CLDN14: variants seen among roughly 807,000 people sequenced by gnomAD.
The protein encoded by CLDN14 is claudin-14.
CLDN14 carries 2 observed loss-of-function variants against 2.1 expected under a neutral mutation model. The ratio of observed to expected loss-of-function variants is 0.96; its 90% CI spans 0.39 to 3.01. CLDN14 has a LOEUF of 3.01. Ranked by LOEUF, CLDN14 falls within the 30% of genes most tolerant of loss-of-function variation. The probability of loss-of-function intolerance (pLI) is 0.09; values close to 1 mark genes in which losing one functional copy is unlikely to be tolerated. For missense variants in CLDN14, 298 were observed against 328.0 expected, an observed-to-expected ratio of 0.91 and a Z score of 0.71; for synonymous variants, 136 against 154.4, an observed-to-expected ratio of 0.88 and a Z score of 0.88.
At chr21:36,465,969 C>T (rs1489216519) in intron 1 of CLDN14, among the ~76,000 whole-genome samples, 1 of 152,172 alleles carries the variant, frequency 6.6e-6, no homozygotes, top group Non-Finnish European at 1.5e-5. Context: ...TGTGGCTTAG[C>T]TGCACCTGAG....
chr21:36,486,807 C>T, intron 2 of CLDN14: 6 of 754,018 alleles, frequency 8.0e-6, no homozygotes, highest in Non-Finnish European at 1.4e-5. Flanking sequence ...GTCAGCGCTT[C>T]AGAGCCAGAT....
At chr21:36,515,835 G>A (rs1200724804) in intron 1 of CLDN14, among the ~76,000 whole-genome samples, 7 of 119,276 alleles carry the variant, frequency 5.9e-5, no homozygotes, top group Non-Finnish European at 9.8e-5. Flanking sequence ...CACCCAGGCT[G>A]GAGTGCATTG....
chr21:36,523,945 A>G (rs2087300826), intron 1 of CLDN14, among the ~76,000 whole-genome samples: 1 of 151,854 alleles, frequency 6.6e-6, no homozygotes, highest in South Asian at 2.1e-4. Context: ...GACCTGAGGG[A>G]CACAAAGCAG....
At chr21:36,527,600 C>T (rs1188700226) in intron 1 of CLDN14, among the ~76,000 whole-genome samples, 1 of 152,134 alleles carries the variant, frequency 6.6e-6, no homozygotes, top group Admixed American at 6.5e-5. Flanking sequence ...TAATGTGATA[C>T]GAATCCCTCA....
intron 1 of CLDN14, among the ~76,000 whole-genome samples, chr21:36,462,939 AAAC>A (rs1177889775): frequency 2.3e-5 from 3 of 132,902 alleles, no homozygotes; most frequent in African/African-American, 1.0e-4. Context: ...ACAAGCAAAC[AAAC>A]AAAAAAAAAC....
chr21:36,545,325 C>CT (rs1280472440), intron 1 of CLDN14, among the ~76,000 whole-genome samples: 2 of 152,334 alleles, frequency 1.3e-5, no homozygotes, highest in East Asian at 3.9e-4. Flanking sequence ...CAAAAGTTCT[C>CT]TGAGTTCCCA....
intron 1 of CLDN14, among the ~76,000 whole-genome samples, chr21:36,529,873 G>A (rs925864722): frequency 2.6e-5 from 4 of 152,104 alleles, no homozygotes; most frequent in African/African-American, 4.8e-5. Flanking sequence ...GCAGAACAAC[G>A]TAGTGCTGTG....
intron 1 of CLDN14, among the ~76,000 whole-genome samples, chr21:36,548,672 G>A (rs2087541530): frequency 6.6e-6 from 1 of 152,110 alleles, no homozygotes; most frequent in Non-Finnish European, 1.5e-5. Context: ...CCCCTCTCCC[G>A]CATGGTCCCC....
intron 1 of CLDN14, among the ~76,000 whole-genome samples, chr21:36,572,352 TG>T (rs2087715691): frequency 1.3e-5 from 2 of 151,914 alleles, no homozygotes; most frequent in South Asian, 4.2e-4. Context: ...ATGAGAGTAA[TG>T]TGACCCTTTG....
intron 1 of CLDN14, among the ~76,000 whole-genome samples, chr21:36,555,252 T>C (rs1450417565): frequency 1.3e-5 from 2 of 151,960 alleles, no homozygotes; most frequent in African/African-American, 2.4e-5. Flanking sequence ...ATTGCCAAGA[T>C]ATAGCAGGCT....
chr21:36,489,438 C>T (rs1267417001), intron 2 of CLDN14, among the ~76,000 whole-genome samples: 2 of 152,124 alleles, frequency 1.3e-5, no homozygotes, highest in African/African-American at 2.4e-5. Context: ...GGAGGATGAG[C>T]GACAGTCAGG....
At chr21:36,513,824 T>TCTTA (rs1168471431) in intron 1 of CLDN14, among the ~76,000 whole-genome samples, 1 of 151,888 alleles carries the variant, frequency 6.6e-6, no homozygotes, top group Non-Finnish European at 1.5e-5. Context: ...TGATACGAGT[T>TCTTA]CTTTCTTTCT....
In CLDN14 at chr21:36,492,440, CAAAAAAAAAAAAA is replaced by C. The variant is rs58666814; in HGVS notation, c.-82+17910_-82+17922del. Among the ~76,000 whole-genome samples, 13 of 67,906 alleles carry C rather than the reference CAAAAAAAAAAAAA, an allele frequency of 1.9e-4. 2 individuals carry two copies. Among genetic ancestry groups the C allele is most frequent in the African/African-American group, 8.0e-4 (12 of 15,034 alleles). The allele number at this position is 67,906 out of a possible 152,430, so 44.5% of individuals were successfully genotyped here. On this transcript the variant is annotated intron_variant, in intron 2 of 2. Transcript: ENST00000342108. ...TGGGCGACAGAGCGAGACTCCGTCCCAAAAAAAAAAAAAAAAAAAAAAAAAAAATGCAAAAATT... is the reference window on the plus strand; with the variant it reads ...TGGGCGACAGAGCGAGACTCCGTCCCAAAAAAAAAAAAAAATGCAAAAATT...
At chr21:36,523,801 A>G (rs139008232) in intron 1 of CLDN14, among the ~76,000 whole-genome samples, 57,827 of 87,620 alleles carry the variant, frequency 0.66, 23,054 homozygotes, top group Non-Finnish European at 0.85. Context: ...GAAAGAAAGA[A>G]AGAAAGAAAG....
intron 2 of CLDN14, among the ~76,000 whole-genome samples, chr21:36,489,000 C>T (rs2086929612): frequency 6.6e-6 from 1 of 151,012 alleles, no homozygotes; most frequent in Admixed American, 6.6e-5. Flanking sequence ...ATCCCAGCTA[C>T]TCAGGAGGCT....
rs1555856783 is a variant in CLDN14, at chr21:36,573,300, C to CCAAA, written c.-220+3110_-220+3111insTTTG. On this transcript the variant is annotated intron_variant, in intron 1 of 2. Coordinates refer to the CLDN14 transcript ENST00000342108. ...TGGGTGACAGAGCAAGACTCTGTCT[C>CCAAA]AAAAAAAAAAAAAAAAGAATTGGAG... Among the ~76,000 whole-genome samples, 3 of 109,142 alleles carry CCAAA rather than the reference C, an allele frequency of 2.7e-5. No individual in the cohort carries two copies. In the East Asian group the frequency reaches 7.6e-4, roughly 28 times the overall value. 71.6% of individuals were successfully genotyped at this position (109,142 alleles called of 152,430 possible).
At chr21:36,476,385 C>G (rs987679729) in intron 1 of CLDN14, among the ~76,000 whole-genome samples, 11 of 152,144 alleles carry the variant, frequency 7.2e-5, no homozygotes, top group South Asian at 2.1e-4. Context: ...ACTGTGGGCA[C>G]TGAGCCTCCC....
intron 1 of CLDN14, among the ~76,000 whole-genome samples, chr21:36,548,548 G>A (rs1442645800): frequency 6.6e-6 from 1 of 152,226 alleles, no homozygotes; most frequent in East Asian, 1.9e-4. Flanking sequence ...GGGGAATGGG[G>A]TCTGGGCAGC....
intron 1 of CLDN14, among the ~76,000 whole-genome samples, chr21:36,549,440 C>T (rs368147602): frequency 1.3e-5 from 2 of 152,186 alleles, no homozygotes; most frequent in East Asian, 3.8e-4. Context: ...GTGTGGCCCC[C>T]GGGTAAGGGG....
Sources: gnomAD v4.1 joint callset for allele counts (sites outside exome capture counted in the v4.1 genomes callset) on GRCh38, gnomAD v4.1.1 for gene constraint, MANE v1.5 for transcripts, NCBI Gene and HGNC (gene_info 2026-07-23, HGNC 2026-07-21) for gene names.